MBD2: variants seen among roughly 807,000 people sequenced by gnomAD.
MBD2 encodes methyl-CpG binding domain protein 2.
MBD2 carries 9 observed loss-of-function variants against 39.3 expected under a neutral mutation model. The ratio of observed to expected loss-of-function variants is 0.23; its 90% CI spans 0.14 to 0.40. The LOEUF is 0.40. Among genes scored for constraint, MBD2 ranks in the 10% least tolerant of loss-of-function variants. MBD2 has a pLI of 1.00. For missense variants in MBD2, 458 were observed against 532.6 expected, an observed-to-expected ratio of 0.86 and a Z score of 1.38; for synonymous variants, 233 against 211.1, an observed-to-expected ratio of 1.10 and a Z score of -0.90.
intron 1 of MBD2, among the ~76,000 whole-genome samples, chr18:54,211,659 A>G (rs115292661): frequency 0.027 from 4,063 of 152,182 alleles, 178 homozygotes; most frequent in African/African-American, 0.093. Context: ...GCCCAAATCA[A>G]GTCTGCATCA....
At chr18:54,196,549 G>A (rs951999486) in intron 2 of MBD2, among the ~76,000 whole-genome samples, 1 of 152,074 alleles carries the variant, frequency 6.6e-6, no homozygotes, top group African/African-American at 2.4e-5. Flanking sequence ...ACATCCTTGG[G>A]AGAACTATGG....
At chr18:54,211,334 T>G (rs2086504248) in intron 1 of MBD2, among the ~76,000 whole-genome samples, 1 of 151,602 alleles carries the variant, frequency 6.6e-6, no homozygotes, top group Non-Finnish European at 1.5e-5. Context: ...GTTTTGTACT[T>G]AGATACAAAA....
intron 2 of MBD2, among the ~76,000 whole-genome samples, chr18:54,190,095 C>A (rs1392344743): frequency 6.6e-6 from 1 of 152,156 alleles, no homozygotes; most frequent in Non-Finnish European, 1.5e-5. Flanking sequence ...AAATTAACCT[C>A]TTTTATATAA....
At chr18:54,222,414 A>G in intron 1 of MBD2, 1 of 505,150 alleles carries the variant, frequency 2.0e-6, no homozygotes, top group Non-Finnish European at 3.9e-6. Flanking sequence ...AAGTGCTCAC[A>G]ATAACTTTCT....
intron 3 of MBD2, among the ~76,000 whole-genome samples, chr18:54,167,440 C>T (rs1177846733): frequency 3.9e-5 from 6 of 152,158 alleles, no homozygotes; most frequent in Non-Finnish European, 7.4e-5. Context: ...ATGGCTATCA[C>T]AAAAGATTAC....
chr18:54,168,429 A>C (rs2086152067), intron 3 of MBD2, among the ~76,000 whole-genome samples: 1 of 151,760 alleles, frequency 6.6e-6, no homozygotes, highest in Admixed American at 6.6e-5. Context: ...CTGAAGTTAG[A>C]ATCTGATATG....
At position 54,224,209 on chromosome 18, in the gene MBD2, A is replaced by T. The variant is rs2086640370; in HGVS notation, c.351T>A (p.Gly117=). ...GCTCCCGCCGGGGGGCGCCGCCGCCACCGCTGCCGCCGCCGCCGCAGCCGC... is the reference window on the plus strand; with the variant it reads ...GCTCCCGCCGGGGGGCGCCGCCGCCTCCGCTGCCGCCGCCGCCGCAGCCGC... ...DGGGCGGGGS[G]GGGAPRREPV... is the part of the protein sequence containing the mutation. The change falls in exon 1 of 7, where the codon GGT becomes GGA. Residue 117 remains glycine, a synonymous_variant. Transcript: ENST00000256429. 1 of 1,160,692 alleles carries T rather than the reference A, an allele frequency of 8.6e-7. No individual in the cohort carries two copies. The highest frequency in any genetic ancestry group is 1.1e-6 in the Non-Finnish European group (1 of 945,632). The allele number at this position is 1,160,692 out of a possible 1,614,324, so 71.9% of individuals were successfully genotyped here. A position where few individuals can be genotyped will look rare whatever the true frequency, so the allele number is the denominator to read the frequency against.
In MBD2 at chr18:54,224,300, C is replaced by G; in HGVS notation, c.260G>C (p.Gly87Ala). ...GRGRGRGRGR[G>A]RGRGRGRGRP... Reference sequence around the variant, plus strand: ...GCCGCGGCCCCGGCCCCGGCCCCGTCCCCGTCCCCGGCCACGGCCCCGGCC... The same window carrying G: ...GCCGCGGCCCCGGCCCCGGCCCCGTGCCCGTCCCCGGCCACGGCCCCGGCC... The change falls in exon 1 of 7, where the codon GGA becomes GCA. Residue 87 changes from glycine (G) to alanine (A), a missense_variant. Gly to Ala is a moderately conservative substitution (Grantham distance 60, BLOSUM62 0). Transcript: ENST00000256429. 3.1e-6 allele frequency: 3 copies of G among 956,510 alleles called. No individual in the cohort carries two copies. Among genetic ancestry groups the G allele is most frequent in the Non-Finnish European group, 3.7e-6 (3 of 804,236 alleles). 59.3% of individuals were successfully genotyped at this position (956,510 alleles called of 1,614,324 possible).
intron 1 of MBD2, among the ~76,000 whole-genome samples, chr18:54,207,990 A>G (rs2086464848): frequency 6.6e-6 from 1 of 152,066 alleles, no homozygotes; most frequent in Non-Finnish European, 1.5e-5. Context: ...GTGAGCTGAG[A>G]TCGCACCACT....
intron 1 of MBD2, among the ~76,000 whole-genome samples, chr18:54,221,627 T>A (rs928460223): frequency 2.0e-5 from 3 of 151,762 alleles, no homozygotes; most frequent in Non-Finnish European, 4.4e-5. Context: ...ATACAAAAAT[T>A]AGCCGGGCAT....
intron 1 of MBD2, among the ~76,000 whole-genome samples, chr18:54,222,097 C>T (rs1345530742): frequency 1.3e-5 from 2 of 152,192 alleles, no homozygotes; most frequent in Non-Finnish European, 2.9e-5. Flanking sequence ...ATATAATTGC[C>T]TACAAGACAT....
intron 1 of MBD2, among the ~76,000 whole-genome samples, chr18:54,218,826 G>A (rs1370992480): frequency 6.6e-6 from 1 of 152,122 alleles, no homozygotes; most frequent in Non-Finnish European, 1.5e-5. Context: ...GCCAGGCGTG[G>A]TGGTGTGCAC....
At chr18:54,193,825 A>C (rs1206252090) in intron 2 of MBD2, among the ~76,000 whole-genome samples, 1 of 152,148 alleles carries the variant, frequency 6.6e-6, no homozygotes, top group Admixed American at 6.5e-5. Flanking sequence ...GAAAACAAAA[A>C]ATGTCCAGGT....
chr18:54,206,803 ATT>A (rs1354816447), intron 1 of MBD2, among the ~76,000 whole-genome samples: 1 of 152,226 alleles, frequency 6.6e-6, no homozygotes, highest in East Asian at 1.9e-4. Flanking sequence ...AGAGTACAGG[ATT>A]CTACACAAGC....
intron 3 of MBD2, among the ~76,000 whole-genome samples, chr18:54,177,718 T>G (rs1025211529): frequency 1.3e-5 from 2 of 151,348 alleles, no homozygotes; most frequent in Non-Finnish European, 2.9e-5. Context: ...CCTGACTCGT[T>G]ATCCGCCCGC....
At chr18:54,175,046 G>A (rs903242700) in intron 3 of MBD2, among the ~76,000 whole-genome samples, 2 of 152,208 alleles carry the variant, frequency 1.3e-5, no homozygotes, top group Non-Finnish European at 2.9e-5. Flanking sequence ...ATGAAAACTG[G>A]AGAAAATTCA....
chr18:54,185,374 TTCAA>T (rs2144307045), intron 3 of MBD2, among the ~76,000 whole-genome samples: 1 of 152,272 alleles, frequency 6.6e-6, no homozygotes, highest in East Asian at 1.9e-4. Context: ...GAAATTACTA[TTCAA>T]AGACTGTCAA....
chr18:54,204,548 A>G (rs1203892247), intron 2 of MBD2, among the ~76,000 whole-genome samples: 1 of 152,230 alleles, frequency 6.6e-6, no homozygotes, highest in Non-Finnish European at 1.5e-5. Flanking sequence ...TAGAATTAGG[A>G]TATTATTCAA....
intron 5 of MBD2, among the ~76,000 whole-genome samples, chr18:54,160,576 C>G (rs62099765): frequency 2.7e-5 from 4 of 148,868 alleles, no homozygotes; most frequent in Non-Finnish European, 5.9e-5. Context: ...TTAATAACTC[C>G]AAGTCATTAA....
Sources: gnomAD v4.1 joint callset for allele counts (sites outside exome capture counted in the v4.1 genomes callset) on GRCh38, gnomAD v4.1.1 for gene constraint, MANE v1.5 for transcripts, NCBI Gene and HGNC (gene_info 2026-07-23, HGNC 2026-07-21) for gene names.